Variants in IGFL4 observed in about 807,000 individuals in gnomAD.
The protein encoded by IGFL4 is IGF like family member 4.
IGFL4 carries 12 observed loss-of-function variants against 15.4 expected under a neutral mutation model. The observed-to-expected ratio is 0.78, with a 90% CI of 0.50 to 1.26. IGFL4 has a LOEUF of 1.26. Among genes scored for constraint, IGFL4 ranks in the 50% most tolerant of loss-of-function variants. IGFL4 has a pLI of 0.00. For missense variants in IGFL4, 126 were observed against 147.8 expected (o/e 0.85, Z 0.76); for synonymous variants, 54 against 55.9 (o/e 0.97, Z 0.16).
At position 46,040,843 on chromosome 19, in the gene IGFL4, A is replaced by G. The variant is rs977653886; in HGVS notation, c.19+101T>C. 4.3e-5 allele frequency: 51 copies of G among 1,173,820 alleles called. No individual in the cohort carries two copies. The East Asian group carries it at 5.1e-4, about 12-fold the overall frequency. The allele number at this position is 1,173,820 out of a possible 1,614,324, so 72.7% of individuals were successfully genotyped here. On this transcript the variant is annotated intron_variant, in intron 1 of 3. Coordinates refer to ENST00000377697, the MANE Select transcript of IGFL4 (RefSeq NM_001002923.3). This position sits in a 1 kb window ranked among gnomAD's most constrained non-coding sequence, Gnocchi z 4.1. Reference sequence around the variant, plus strand: ...GCAGTGATTATGAGGTGGGACACCAATAATTAAATAGGGAAGAGAGAATTA... The same window carrying G: ...GCAGTGATTATGAGGTGGGACACCAGTAATTAAATAGGGAAGAGAGAATTA...
intron 1 of IGFL4, among the ~76,000 whole-genome samples, chr19:46,067,287 G>A (rs1173543728): frequency 6.6e-6 from 1 of 152,058 alleles, no homozygotes; most frequent in African/African-American, 2.4e-5. Flanking sequence ...CCAGGCCCTC[G>A]CTGTTTTCCT....
chr19:46,060,236 C>A (rs1200103217), exon 2 of IGFL4: 2 of 152,142 alleles, frequency 1.3e-5, no homozygotes, highest in African/African-American at 4.8e-5. Flanking sequence ...AAATATGCTC[C>A]AAATTTTGTT....
intron 2 of IGFL4, among the ~76,000 whole-genome samples, chr19:46,049,689 G>A (rs1280545145): frequency 6.6e-6 from 1 of 152,116 alleles, no homozygotes; most frequent in Non-Finnish European, 1.5e-5. Flanking sequence ...ATCGGCCCTG[G>A]GAGCAGAAGA....
intron 1 of IGFL4, among the ~76,000 whole-genome samples, chr19:46,072,982 T>C (rs1568717758): frequency 6.6e-6 from 1 of 152,018 alleles, no homozygotes; most frequent in Non-Finnish European, 1.5e-5. Context: ...ACTATCCCAG[T>C]TGGGAGAGCA....
intron 1 of IGFL4, among the ~76,000 whole-genome samples, chr19:46,074,238 TAGTC>T (rs1390738058): frequency 6.6e-6 from 1 of 151,780 alleles, no homozygotes; most frequent in Non-Finnish European, 1.5e-5. Context: ...AAATCTGTAT[TAGTC>T]AGGGTTGTCT....
chr19:46,043,372 C>T (rs1969265124), upstream of IGFL4, among the ~76,000 whole-genome samples: 1 of 152,152 alleles, frequency 6.6e-6, no homozygotes, highest in Non-Finnish European at 1.5e-5. Flanking sequence ...TCAATTCTCT[C>T]CAAATTGTCT....
In IGFL4 at chr19:46,040,844, TAATTA is replaced by T; in HGVS notation, c.19+95_19+99del. On this transcript the variant is annotated intron_variant, in intron 1 of 3. Coordinates refer to ENST00000377697, the MANE Select transcript of IGFL4 (RefSeq NM_001002923.3). This position sits in a 1 kb window ranked among gnomAD's most constrained non-coding sequence, Gnocchi z 4.1. ...CAGTGATTATGAGGTGGGACACCAATAATTAAATAGGGAAGAGAGAATTAACTTTG... is the reference window on the plus strand; with the variant it reads ...CAGTGATTATGAGGTGGGACACCAATAATAGGGAAGAGAGAATTAACTTTG... 1 of 1,182,904 alleles carries T rather than the reference TAATTA, an allele frequency of 8.5e-7. No homozygotes were observed. Among genetic ancestry groups the T allele is most frequent in the South Asian group, 1.3e-5 (1 of 76,112 alleles). The allele number at this position is 1,182,904 out of a possible 1,614,324, so 73.3% of individuals were successfully genotyped here. A position where few individuals can be genotyped will look rare whatever the true frequency, so the allele number is the denominator to read the frequency against.
intron 2 of IGFL4, chr19:46,059,595 T>C (rs983634123): frequency 6.6e-6 from 1 of 152,100 alleles, no homozygotes; most frequent in African/African-American, 2.4e-5. Context: ...AAACAACTGA[T>C]GAGATTAGAA....
At chr19:46,057,590 T>G (rs2146520518) in intron 2 of IGFL4, 1 of 152,332 alleles carries the variant, frequency 6.6e-6, no homozygotes, top group African/African-American at 2.4e-5. Flanking sequence ...TTGCCCATTT[T>G]TATGGTTATT....
rs115214084 is a variant in IGFL4 at position 46,075,780 on chromosome 19, C to A, written c.-432+1240G>T. ...GCATTTTAAAAAGTGAGGAGTTGGG[C>A]TTTCCTTCCTTGATGGTGCTGTATT... is the stretch of plus-strand genomic sequence containing the variant. On this transcript the variant is annotated intron_variant, in intron 1 of 5. Transcript: ENST00000601672. 4.8e-3 allele frequency among the ~76,000 whole-genome samples: 736 copies of A among 152,238 alleles called. 5 individuals are homozygous for A. The highest frequency in any genetic ancestry group is 0.016 in the African/African-American group (677 of 41,542).
At position 46,039,217 on chromosome 19, in the gene IGFL4, T is replaced by C. The variant is rs1300068250; in HGVS notation, c.*675A>G. Among the ~76,000 whole-genome samples the C allele has an allele frequency of 8.9e-6, 1 of 112,056 alleles. No homozygotes were observed. The highest frequency in any genetic ancestry group is 1.8e-5 in the Non-Finnish European group (1 of 55,786). The allele number at this position is 112,056 out of a possible 152,430, so 73.5% of individuals were successfully genotyped here. ...AGATAGTTGTAGATATGCGGCGTTA[T>C]TTCTGAGGGCTCTGTTCTGTTCCAT... On this transcript the variant is annotated 3_prime_UTR_variant, in exon 4 of 4. Coordinates refer to ENST00000377697, the MANE Select transcript of IGFL4 (RefSeq NM_001002923.3).
At chr19:46,055,087 C>CT (rs1969380875) in intron 2 of IGFL4, among the ~76,000 whole-genome samples, 1 of 152,144 alleles carries the variant, frequency 6.6e-6, no homozygotes, top group African/African-American at 2.4e-5. Flanking sequence ...TATATGTCCC[C>CT]TATGAACCAT....
At chr19:46,077,479 G>T (rs1969620565), upstream of IGFL4, among the ~76,000 whole-genome samples, 1 of 152,216 alleles carries the variant, frequency 6.6e-6, no homozygotes, top group Admixed American at 6.5e-5. This position sits in a 1 kb window ranked among gnomAD's most constrained non-coding sequence, Gnocchi z 5.4. Flanking sequence ...AGAAACCAGA[G>T]GCGGGGATCC....
intron 2 of IGFL4, among the ~76,000 whole-genome samples, chr19:46,054,162 T>G (rs1174108426): frequency 6.6e-6 from 1 of 152,226 alleles, no homozygotes; most frequent in Non-Finnish European, 1.5e-5. Context: ...TTTTGAGGTT[T>G]TATTCATAAG....
Position 46,040,504 on chromosome 19 carries a change from G to A in IGFL4, c.70+14C>T, listed in dbSNP as rs1969230697. The stretch of plus-strand genomic sequence containing the variant: ...TAATGCTGTTCTCTCCTCCCTCACT[G>A]CATCTGTTCTCACCTGTGACTCCTT... On this transcript the variant is annotated intron_variant, in intron 2 of 3. Coordinates refer to ENST00000377697, the MANE Select transcript of IGFL4 (RefSeq NM_001002923.3). The surrounding 1 kb of genome is among the most constrained non-coding windows in gnomAD (Gnocchi z 4.1). The A allele has an allele frequency of 6.2e-7, 1 of 1,614,154 alleles. No individual in the cohort carries two copies. The highest frequency in any genetic ancestry group is 1.1e-5 in the South Asian group (1 of 91,086).
chr19:46,050,907 G>A (rs781187614), intron 2 of IGFL4, among the ~76,000 whole-genome samples: 2 of 152,192 alleles, frequency 1.3e-5, no homozygotes, highest in Non-Finnish European at 1.5e-5. Flanking sequence ...AGAATCTTAA[G>A]TCCTGTGAGG....
chr19:46,073,975 T>C (rs16980289), intron 1 of IGFL4, among the ~76,000 whole-genome samples: 5,488 of 152,168 alleles, frequency 0.036, 130 homozygotes, highest in South Asian at 0.1. Context: ...GCTTAAAAAA[T>C]CAACATTTCT....
chr19:46,045,417 T>C (rs1345720363), upstream of IGFL4, among the ~76,000 whole-genome samples: 1 of 140,542 alleles, frequency 7.1e-6, no homozygotes, highest in Non-Finnish European at 1.5e-5. Flanking sequence ...CACTCCAGCC[T>C]GGGTGACAAG....
chr19:46,047,280 T>A (rs1019231461), intron 2 of IGFL4, among the ~76,000 whole-genome samples: 3 of 152,090 alleles, frequency 2.0e-5, no homozygotes, highest in African/African-American at 7.2e-5. Context: ...TAGCAATAAA[T>A]AACCCACATC....
Sources: allele counts gnomAD v4.1 joint callset (sites outside exome capture counted in the v4.1 genomes callset), GRCh38; gene constraint gnomAD v4.1.1; non-coding constraint Gnocchi (gnomAD v3.1); transcripts MANE v1.5; gene names NCBI Gene and HGNC (gene_info 2026-07-23, HGNC 2026-07-21).